Variants in CRTC3 observed in about 807,000 individuals in gnomAD.
The protein encoded by CRTC3 is CREB regulated transcription coactivator 3.
A neutral mutation model predicts 74.5 loss-of-function variants in CRTC3; 26 were observed. That is an observed-to-expected ratio of 0.35 (90% CI 0.26 to 0.48). The LOEUF (loss-of-function observed/expected upper bound fraction) is 0.48. CRTC3 is among the 20% of genes least tolerant of loss of function. CRTC3 has a pLI of 0.99. For missense variants in CRTC3, 760 were observed against 787.3 expected (o/e 0.97, Z 0.41); for synonymous variants, 377 against 325.8 (o/e 1.16, Z -1.69).
chr15:90,557,872 T>C (rs1211492520), intron 2 of CRTC3, among the ~76,000 whole-genome samples: 1 of 152,162 alleles, frequency 6.6e-6, no homozygotes, highest in Admixed American at 6.5e-5. Context: ...AATCCCATGG[T>C]AACCTGCCTC....
chr15:90,611,095 A>G (rs547651795), intron 6 of CRTC3, among the ~76,000 whole-genome samples: 2 of 152,194 alleles, frequency 1.3e-5, no homozygotes, highest in African/African-American at 4.8e-5. Context: ...GCGGGGGTAC[A>G]GTGGCAGGTA....
chr15:90,606,659 A>G (rs1968229943), intron 5 of CRTC3: 3 of 152,242 alleles, frequency 2.0e-5, no homozygotes, highest in Non-Finnish European at 4.4e-5. Flanking sequence ...TTAAACTGAG[A>G]GATTTTTTAA....
intron 2 of CRTC3, among the ~76,000 whole-genome samples, chr15:90,543,922 T>C (rs568270496): frequency 8.9e-4 from 135 of 152,294 alleles, no homozygotes; most frequent in Non-Finnish European, 1.5e-3. Context: ...ACTCTTCCAG[T>C]GTCCTATTAG....
intron 2 of CRTC3, among the ~76,000 whole-genome samples, chr15:90,562,847 C>T (rs529718205): frequency 1.1e-4 from 17 of 151,984 alleles, no homozygotes; most frequent in African/African-American, 3.6e-4. Context: ...CCAGACCAGC[C>T]GCAAGCAGGA....
At chr15:90,626,462 G>C (rs540793100) in intron 10 of CRTC3, among the ~76,000 whole-genome samples, 15 of 152,300 alleles carry the variant, frequency 9.8e-5, no homozygotes, top group Non-Finnish European at 1.8e-4. Context: ...GTGTGAAGTA[G>C]AAATCCCCCA....
At chr15:90,606,229 AAG>A (rs1382372767) in intron 5 of CRTC3, among the ~76,000 whole-genome samples, 3 of 151,672 alleles carry the variant, frequency 2.0e-5, no homozygotes, top group African/African-American at 7.3e-5. Flanking sequence ...CCTGGGCGAC[AAG>A]AGTGAAATTC....
intron 2 of CRTC3, among the ~76,000 whole-genome samples, chr15:90,581,179 G>A (rs1967532149): frequency 1.3e-5 from 2 of 152,196 alleles, no homozygotes; most frequent in Admixed American, 6.5e-5. Context: ...TGGCCCGGAA[G>A]ATCATTCCAA....
intron 2 of CRTC3, among the ~76,000 whole-genome samples, chr15:90,547,378 A>G (rs560003360): frequency 6.6e-6 from 1 of 152,202 alleles, no homozygotes; most frequent in East Asian, 1.9e-4. Flanking sequence ...AGTTTACAAA[A>G]TGCTTTCATA....
Position 90,625,976 on chromosome 15 carries a change from G to C in CRTC3, c.950G>C (p.Gly317Ala). 1 of 1,614,136 alleles carries C rather than the reference G, an allele frequency of 6.2e-7. No homozygotes were observed. Among genetic ancestry groups the C allele is most frequent in the Non-Finnish European group, 8.5e-7 (1 of 1,179,966 alleles). Reference protein sequence around the residue: ...NNIPAAMTHLGIRSSSGLQSS... With the variant: ...NNIPAAMTHLAIRSSSGLQSS... The stretch of plus-strand genomic sequence containing the variant: ...ATCCCAGCTGCTATGACCCACCTGG[G>C]TATAAGAAGCTCCTCTGGTGAGTAT... Residue 317 changes from glycine (G) to alanine (A), a missense_variant, in exon 10 of 15, where the codon GGT (glycine) becomes GCT (alanine). Physicochemically the swap from Gly to Ala is moderately conservative, Grantham distance 60. Around this residue, in one of 2 missense-constraint regions of CRTC3, gnomAD observed 652 missense variants for 635.2 expected, o/e 1.03. Transcript: ENST00000268184.
chr15:90,549,259 T>C (rs1256373660), intron 2 of CRTC3, among the ~76,000 whole-genome samples: 1 of 149,894 alleles, frequency 6.7e-6, no homozygotes, highest in Non-Finnish European at 1.5e-5. Context: ...CCCTTATTGT[T>C]TGGGTTGTTT....
rs1473437160 is a variant in CRTC3 at position 90,644,883 on chromosome 15, C to G, written c.*2743C>G. ...ACCATTGTACTACTCTCACTTACAGCAGTTAAACAGCATAGAACTAAAAAC... is the reference window on the plus strand; with the variant it reads ...ACCATTGTACTACTCTCACTTACAGGAGTTAAACAGCATAGAACTAAAAAC... On this transcript the variant is annotated 3_prime_UTR_variant, in exon 15 of 15. Transcript: ENST00000268184. 2 of 232,090 alleles carry G rather than the reference C, an allele frequency of 8.6e-6. No individual in the cohort carries two copies. The highest frequency in any genetic ancestry group is 1.7e-5 in the Non-Finnish European group (2 of 117,358). The allele number at this position is 232,090 out of a possible 1,614,324, so 14.4% of individuals were successfully genotyped here.
chr15:90,626,337 A>C lies in CRTC3; in HGVS notation c.967+344A>C, dbSNP rs529038161. ...TGTCATCAACATATGATAATTTATAATTTAGGCCATCTCTCTGGATTCCTT... is the reference window on the plus strand; with the variant it reads ...TGTCATCAACATATGATAATTTATACTTTAGGCCATCTCTCTGGATTCCTT... On this transcript the variant is annotated intron_variant, in intron 10 of 14. Transcript: ENST00000268184. Among the ~76,000 whole-genome samples, 60 of 152,322 alleles carry C rather than the reference A, an allele frequency of 3.9e-4. 1 individual carries two copies. The highest frequency in any genetic ancestry group is 6.9e-4 in the Non-Finnish European group (47 of 68,030).
chr15:90,627,983 C>T (rs190015294), intron 10 of CRTC3, among the ~76,000 whole-genome samples: 7 of 148,174 alleles, frequency 4.7e-5, no homozygotes, highest in East Asian at 2.1e-4. Flanking sequence ...TTTGGGAGGC[C>T]GAGGCGAGTG....
At chr15:90,620,773 G>C (rs530960074) in intron 9 of CRTC3, among the ~76,000 whole-genome samples, 2 of 152,278 alleles carry the variant, frequency 1.3e-5, no homozygotes, top group East Asian at 1.9e-4. Context: ...TTTGGAAATG[G>C]GATTCTTGCA....
intron 2 of CRTC3, among the ~76,000 whole-genome samples, chr15:90,587,901 A>T (rs887006777): frequency 1.3e-5 from 2 of 151,518 alleles, no homozygotes; most frequent in Non-Finnish European, 2.9e-5. Flanking sequence ...GGCCTGAGCC[A>T]CTATGCCTGG....
In CRTC3 at chr15:90,643,042, C is replaced by T. The variant is rs1053773106; in HGVS notation, c.*902C>T. On this transcript the variant is annotated 3_prime_UTR_variant, in exon 15 of 15. Transcript: ENST00000268184. Reference sequence around the variant, plus strand: ...CCACCGAGCAACTGAGCTTCCCCATCCCTCCCCAGAGCTGTGTCTCTGTGG... The same window carrying T: ...CCACCGAGCAACTGAGCTTCCCCATTCCTCCCCAGAGCTGTGTCTCTGTGG... 4.3e-6 allele frequency: 1 copy of T among 232,440 alleles called. No homozygotes were observed. The highest frequency in any genetic ancestry group is 8.5e-6 in the Non-Finnish European group (1 of 117,660). The allele number at this position is 232,440 out of a possible 1,614,324, so 14.4% of individuals were successfully genotyped here.
In CRTC3 at chr15:90,642,709, C is replaced by G. The variant is rs1242086840; in HGVS notation, c.*569C>G. 4.3e-6 allele frequency: 1 copy of G among 231,938 alleles called. No individual in the cohort carries two copies. The highest frequency in any genetic ancestry group is 2.2e-5 in the African/African-American group (1 of 45,136). The allele number at this position is 231,938 out of a possible 1,614,324, so 14.4% of individuals were successfully genotyped here. ...CGACATGAAGTTTTTACCACAAGCC[C>G]GAGGGCAGGCTTGAGTTAGGCAGAC... On this transcript the variant is annotated 3_prime_UTR_variant, in exon 15 of 15. Coordinates refer to ENST00000268184, the MANE Select transcript of CRTC3 (RefSeq NM_022769.5).
chr15:90,565,456 T>C (rs1443012468), intron 2 of CRTC3, among the ~76,000 whole-genome samples: 3 of 152,190 alleles, frequency 2.0e-5, no homozygotes, highest in Non-Finnish European at 2.9e-5. Flanking sequence ...TTGAGTGATA[T>C]TCAGTGTTGG....
intron 10 of CRTC3, 45 bp from the exon 11 acceptor site, chr15:90,629,188 AT>A (rs1317184429): frequency 1.3e-6 from 2 of 1,562,460 alleles, no homozygotes; most frequent in Non-Finnish European, 8.7e-7. Flanking sequence ...AATACAAAAG[AT>A]TTGGTCTGAA....
Sources: allele counts gnomAD v4.1 joint callset (sites outside exome capture counted in the v4.1 genomes callset), GRCh38; gene constraint gnomAD v4.1.1; regional missense constraint gnomAD v4.1.1; transcripts MANE v1.5; gene names NCBI Gene and HGNC (gene_info 2026-07-23, HGNC 2026-07-21).